VCL: variants seen among roughly 807,000 people sequenced by gnomAD.
VCL encodes the protein vinculin, also known as epididymis luminal protein 114.
In VCL, 47 loss-of-function variants were observed where a neutral mutation model predicts 125.7. That is an observed-to-expected ratio of 0.37 (90% confidence interval 0.30 to 0.48). VCL has a LOEUF of 0.48. VCL is among the 20% of genes least tolerant of loss of function. The pLI is 0.99. For missense variants in VCL, 1,069 were observed against 1,455.5 expected (o/e 0.73, Z 4.32); for synonymous variants, 458 against 514.6 (o/e 0.89, Z 1.49).
At chr10:74,010,702 T>A (rs1840417827) in intron 1 of VCL, among the ~76,000 whole-genome samples, 2 of 151,964 alleles carry the variant, frequency 1.3e-5, no homozygotes, top group African/African-American at 4.8e-5. Context: ...TTCCTGCTTA[T>A]GAATTTTCAA....
intron 3 of VCL, 52 bp downstream of exon 3, chr10:74,070,872 G>A (rs778014082): frequency 1.2e-6 from 2 of 1,612,478 alleles, no homozygotes; most frequent in Non-Finnish European, 1.7e-6. Context: ...ATGGAAGATT[G>A]ATGATTGTTT....
intron 6 of VCL, chr10:74,077,638 C>T (rs1402322260): frequency 3.6e-5 from 16 of 440,150 alleles, no homozygotes; most frequent in South Asian, 2.4e-4. Context: ...CCTCTTCTCG[C>T]CCCTACCAAT....
intron 1 of VCL, among the ~76,000 whole-genome samples, chr10:74,037,229 C>G (rs1165126609): frequency 6.6e-6 from 1 of 152,126 alleles, no homozygotes; most frequent in Non-Finnish European, 1.5e-5. Flanking sequence ...GACTGTTCTA[C>G]TCTATTTTTA....
intron 14 of VCL, among the ~76,000 whole-genome samples, chr10:74,103,424 G>A (rs1295124168): frequency 6.6e-6 from 1 of 152,140 alleles, no homozygotes; most frequent in Non-Finnish European, 1.5e-5. Flanking sequence ...TGGGGTTGTT[G>A]TGAGGATTTT....
intron 1 of VCL, among the ~76,000 whole-genome samples, chr10:74,042,669 T>C (rs370388009): frequency 7.9e-5 from 12 of 152,232 alleles, no homozygotes; most frequent in African/African-American, 2.9e-4. Flanking sequence ...CAAATATTTT[T>C]CCCAGTTCCA....
intron 6 of VCL, 146 bp from the exon 7 acceptor site, chr10:74,082,307 TG>T: frequency 1.3e-6 from 1 of 752,086 alleles, no homozygotes; most frequent in Non-Finnish European, 2.3e-6. Flanking sequence ...ATGAGAATTG[TG>T]GTGTGGTGAC....
rs563187372 is a variant in VCL at position 74,050,438 on chromosome 10, T to G, written c.239+7285T>G. Reference sequence around the variant, plus strand: ...GGTATTTACTTATACAAATTTACCATAATTTATATTCATGCACAAAGAAGA... The same window carrying G: ...GGTATTTACTTATACAAATTTACCAGAATTTATATTCATGCACAAAGAAGA... On this transcript the variant is annotated intron_variant, in intron 2 of 21. Coordinates refer to ENST00000211998, the MANE Select transcript of VCL (RefSeq NM_014000.3). 7.9e-5 allele frequency among the ~76,000 whole-genome samples: 12 copies of G among 152,346 alleles called. No individual in the cohort carries two copies. In the East Asian group the frequency reaches 2.1e-3, roughly 27 times the overall value.
rs755421560 is a variant in VCL, at chr10:74,100,843, A to T, written c.1873-105A>T. 3.4e-5 allele frequency: 46 copies of T among 1,363,292 alleles called. No homozygotes were observed. The South Asian group carries it at 5.4e-4, about 16-fold the overall frequency. 84.4% of individuals were successfully genotyped at this position (1,363,292 alleles called of 1,614,324 possible). ...AACTAGGGTTTGATGTCATCTCTAA[A>T]GTCTTTGAGCAGTTGCTGCCCTTCT... On this transcript the variant is annotated intron_variant, in intron 13 of 21. Transcript: ENST00000211998.
At chr10:74,027,242 G>A (rs1185086331) in intron 1 of VCL, among the ~76,000 whole-genome samples, 1 of 151,916 alleles carries the variant, frequency 6.6e-6, no homozygotes, top group Non-Finnish European at 1.5e-5. Flanking sequence ...ATATGCAAGA[G>A]ATAGGACAGG....
intron 15 of VCL, among the ~76,000 whole-genome samples, 191 bp downstream of exon 15, chr10:74,104,119 AAG>A (rs1260974016): frequency 2.0e-5 from 3 of 152,184 alleles, no homozygotes; most frequent in Non-Finnish European, 4.4e-5. Context: ...ACTTTGTCAG[AAG>A]AGAGACTCTT....
chr10:74,052,597 A>G (rs1371870430), intron 2 of VCL, among the ~76,000 whole-genome samples: 2 of 151,964 alleles, frequency 1.3e-5, no homozygotes, highest in African/African-American at 4.8e-5. Flanking sequence ...GGGTGGTCTC[A>G]AACTCCTGAG....
intron 2 of VCL, among the ~76,000 whole-genome samples, chr10:74,044,743 C>T (rs1366885607): frequency 6.6e-6 from 1 of 152,066 alleles, no homozygotes; most frequent in Non-Finnish European, 1.5e-5. Context: ...TCATGATGAC[C>T]CCACTGGTCT....
intron 2 of VCL, among the ~76,000 whole-genome samples, chr10:74,049,506 G>A (rs1466851219): frequency 6.6e-6 from 1 of 152,118 alleles, no homozygotes; most frequent in Admixed American, 6.6e-5. Context: ...ATTATAAGTA[G>A]GAATAGTAGA....
In VCL at chr10:74,072,830, G is replaced by A; in HGVS notation, c.600G>A (p.Glu200=). ...MLVNSMNTVK[E]LLPVLISAMK... is the part of the protein sequence containing the mutation. The stretch of plus-strand genomic sequence containing the variant: ...TGAACTCGATGAACACCGTGAAAGA[G>A]TTGCTGCCAGTTCTCATTTCAGGTA... The change falls in exon 5 of 22, where the codon GAG becomes GAA. Residue 200 remains glutamate, a synonymous_variant. Transcript: ENST00000211998. 6.2e-7 allele frequency: 1 copy of A among 1,614,034 alleles called. No homozygotes were observed. The highest frequency in any genetic ancestry group is 8.5e-7 in the Non-Finnish European group (1 of 1,179,976).
chr10:74,002,523 A>G (rs1401497212), intron 1 of VCL, among the ~76,000 whole-genome samples: 2 of 152,204 alleles, frequency 1.3e-5, no homozygotes, highest in African/African-American at 4.8e-5. Flanking sequence ...AAGGCTTCAC[A>G]GAGGATATAA....
intron 2 of VCL, among the ~76,000 whole-genome samples, chr10:74,061,038 T>TATCTAATTAAAGTATCTAATTAAAG (rs1564520685): frequency 6.6e-6 from 1 of 152,104 alleles, no homozygotes; most frequent in Non-Finnish European, 1.5e-5. Flanking sequence ...TTGATTTAAA[T>TATCTAATTAAAGTATCTAATTAAAG]TATCTAATTA....
chr10:74,058,509 ACTGT>A (rs1841424631), intron 2 of VCL, among the ~76,000 whole-genome samples: 1 of 152,114 alleles, frequency 6.6e-6, no homozygotes. Context: ...AAAAGGCTAT[ACTGT>A]CTAAGATCAG....
intron 1 of VCL, among the ~76,000 whole-genome samples, chr10:74,034,885 G>C (rs939919739): frequency 8.5e-5 from 13 of 152,302 alleles, no homozygotes; most frequent in Admixed American, 2.0e-4. Context: ...TTGTATGACT[G>C]AGGCCTGGTA....
At position 74,071,123 on chromosome 10, in the gene VCL, G is replaced by A. The variant is rs772890874; in HGVS notation, c.499+40G>A. The A allele has an allele frequency of 2.5e-6, 4 of 1,596,108 alleles. No individual in the cohort carries two copies. Among genetic ancestry groups the A allele is most frequent in the South Asian group, 2.2e-5 (2 of 90,616 alleles). On this transcript the variant is annotated intron_variant, in intron 4 of 21. Coordinates refer to ENST00000211998, the MANE Select transcript of VCL (RefSeq NM_014000.3). The surrounding 1 kb of genome is among the most constrained non-coding windows in gnomAD (Gnocchi z 4.1). Reference sequence around the variant, plus strand: ...ATTTCTATAACATTTTTTAAGGATTGTCCATGTTGGAGCCAAAGGAAAGGG... The same window carrying A: ...ATTTCTATAACATTTTTTAAGGATTATCCATGTTGGAGCCAAAGGAAAGGG...
Sources: allele counts gnomAD v4.1 joint callset (sites outside exome capture counted in the v4.1 genomes callset), GRCh38; gene constraint gnomAD v4.1.1; non-coding constraint Gnocchi (gnomAD v3.1); transcripts MANE v1.5; gene names NCBI Gene and HGNC (gene_info 2026-07-23, HGNC 2026-07-21).